PBX1: variants seen among roughly 807,000 people sequenced by gnomAD.
PBX1 encodes the protein PBX homeobox 1, also known as pre-B-cell leukemia transcription factor 1.
In PBX1, 6 loss-of-function variants were observed where a neutral mutation model predicts 53.4. That is an observed-to-expected ratio of 0.11 (90% CI 0.06 to 0.22). The LOEUF is 0.22. Ranked by LOEUF, PBX1 falls within the 10% of genes least tolerant of loss-of-function variation. The probability of loss-of-function intolerance (pLI) is 1.00; values close to 1 mark genes in which losing one functional copy is unlikely to be tolerated. For missense variants in PBX1, 251 were observed against 551.4 expected (o/e 0.46, Z 5.46); for synonymous variants, 204 against 212.3 (o/e 0.96, Z 0.34).
At chr1:164,575,707 C>A (rs1654174770) in intron 2 of PBX1, among the ~76,000 whole-genome samples, 1 of 152,156 alleles carries the variant, frequency 6.6e-6, no homozygotes, top group Non-Finnish European at 1.5e-5. Context: ...ACGTTAATTC[C>A]TTTCTGTAGA....
At chr1:164,864,014 C>G (rs1672158473) in intron 2 of PBX1, among the ~76,000 whole-genome samples, 1 of 152,130 alleles carries the variant, frequency 6.6e-6, no homozygotes, top group South Asian at 2.1e-4. Flanking sequence ...GGAATAGTCC[C>G]CATGTTCTTC....
chr1:164,663,908 C>A (rs1169468082), intron 2 of PBX1, among the ~76,000 whole-genome samples: 2 of 152,126 alleles, frequency 1.3e-5, no homozygotes, highest in African/African-American at 4.8e-5. Flanking sequence ...AGATGGTGGT[C>A]CTTTGTGTGG....
intron 2 of PBX1, among the ~76,000 whole-genome samples, chr1:164,604,585 C>T (rs934650772): frequency 3.3e-5 from 5 of 152,212 alleles, no homozygotes; most frequent in African/African-American, 1.2e-4. Context: ...CTTTTTTATT[C>T]TGTCCTGAGA....
intron 2 of PBX1, among the ~76,000 whole-genome samples, chr1:164,718,847 A>G (rs1557963966): frequency 6.6e-6 from 1 of 152,212 alleles, no homozygotes; most frequent in Non-Finnish European, 1.5e-5. Flanking sequence ...TTCAAAATGT[A>G]AAAATGTTGT....
chr1:164,672,154 C>T lies in PBX1; in HGVS notation c.265+108843C>T, dbSNP rs150066436. On this transcript the variant is annotated intron_variant, in intron 2 of 8. Coordinates refer to ENST00000420696, the MANE Select transcript of PBX1 (RefSeq NM_002585.4). The stretch of plus-strand genomic sequence containing the variant: ...CGAACAGTCATGGAGAGTGATTTCT[C>T]TGCAGCGTGTCTGTCTCTACATAGA... Among the ~76,000 whole-genome samples the T allele has an allele frequency of 2.6e-4, 40 of 151,730 alleles. No homozygotes were observed. The East Asian group carries it at 5.2e-3, about 20-fold the overall frequency.
At chr1:164,597,261 G>GT in intron 2 of PBX1, among the ~76,000 whole-genome samples, 1 of 152,334 alleles carries the variant, frequency 6.6e-6, no homozygotes, top group South Asian at 2.1e-4. Context: ...ATGGGTTTAT[G>GT]TGGCCCCTCA....
chr1:164,593,879 T>C (rs1655580163), intron 2 of PBX1, among the ~76,000 whole-genome samples: 1 of 152,124 alleles, frequency 6.6e-6, no homozygotes, highest in Non-Finnish European at 1.5e-5. Context: ...AGCTCCTGAT[T>C]CTCTCAGAGT....
chr1:164,874,818 A>G (rs527891583), intron 2 of PBX1, among the ~76,000 whole-genome samples: 37 of 152,232 alleles, frequency 2.4e-4, no homozygotes, highest in South Asian at 1.0e-3. Context: ...TTACACATCA[A>G]TCCACACTCA....
chr1:164,577,713 A>T (rs1232467435), intron 2 of PBX1, among the ~76,000 whole-genome samples: 2 of 152,190 alleles, frequency 1.3e-5, no homozygotes, highest in African/African-American at 2.4e-5. Flanking sequence ...TGAATGTGGG[A>T]GAGCTAGAAG....
chr1:164,798,582 C>T (rs1668904460), intron 3 of PBX1, among the ~76,000 whole-genome samples: 1 of 152,230 alleles, frequency 6.6e-6, no homozygotes, highest in South Asian at 2.1e-4. Flanking sequence ...CCTACCTCTG[C>T]CTCTTCATGT....
At chr1:164,589,196 G>A (rs1215766810) in intron 2 of PBX1, among the ~76,000 whole-genome samples, 2 of 151,996 alleles carry the variant, frequency 1.3e-5, no homozygotes, top group African/African-American at 4.8e-5. Context: ...TTAACTCGCC[G>A]GGCCCTTAAC....
intron 2 of PBX1, among the ~76,000 whole-genome samples, chr1:164,703,786 A>C (rs1663269561): frequency 6.6e-6 from 1 of 152,176 alleles, no homozygotes; most frequent in Non-Finnish European, 1.5e-5. Context: ...AGGGAAAGGG[A>C]TGATTCCTCC....
intron 2 of PBX1, among the ~76,000 whole-genome samples, chr1:164,564,366 C>T (rs8179321): frequency 0.042 from 6,438 of 151,826 alleles, 285 homozygotes; most frequent in East Asian, 0.2. Context: ...AATATGATTG[C>T]ATGCTTGGTT....
intron 2 of PBX1, among the ~76,000 whole-genome samples, chr1:164,749,052 A>C (rs188285847): frequency 5.6e-4 from 85 of 152,336 alleles, no homozygotes; most frequent in Non-Finnish European, 1.0e-3. Flanking sequence ...AATCAACCAT[A>C]ACTAAAGCCC....
intron 2 of PBX1, among the ~76,000 whole-genome samples, chr1:164,655,453 C>A (rs1660111032): frequency 6.6e-6 from 1 of 151,916 alleles, no homozygotes; most frequent in Non-Finnish European, 1.5e-5. Flanking sequence ...TACAGAGCAC[C>A]ATGCTATGGG....
chr1:164,715,361 G>T (rs758699662), intron 2 of PBX1, among the ~76,000 whole-genome samples: 1 of 152,156 alleles, frequency 6.6e-6, no homozygotes, highest in Admixed American at 6.5e-5. Flanking sequence ...TTTTGTTATT[G>T]TCATTTGTTT....
chr1:164,582,878 A>G (rs1176887285), intron 2 of PBX1, among the ~76,000 whole-genome samples: 1 of 152,198 alleles, frequency 6.6e-6, no homozygotes, highest in Admixed American at 6.5e-5. Context: ...TTACTATGTA[A>G]TTCTCTTGTT....
chr1:164,581,181 A>G (rs994687246), intron 2 of PBX1, among the ~76,000 whole-genome samples: 2 of 151,346 alleles, frequency 1.3e-5, no homozygotes, highest in Non-Finnish European at 2.9e-5. Flanking sequence ...GTCCAGTTAC[A>G]GAGCCTCTGT....
At chr1:164,784,342 G>T (rs1668070778) in intron 2 of PBX1, among the ~76,000 whole-genome samples, 1 of 152,212 alleles carries the variant, frequency 6.6e-6, no homozygotes, top group African/African-American at 2.4e-5. Flanking sequence ...CATCCAGAAA[G>T]GCAGGGGCCT....
Sources: allele counts gnomAD v4.1 joint callset (sites outside exome capture counted in the v4.1 genomes callset), GRCh38; gene constraint gnomAD v4.1.1; transcripts MANE v1.5; gene names NCBI Gene and HGNC (gene_info 2026-07-23, HGNC 2026-07-21).